The following ZNF804B variants were observed in gnomAD, a reference collection of about 807,000 sequenced individuals.
The protein encoded by ZNF804B is zinc finger protein 804B, also known as zinc finger 804B.
A neutral mutation model predicts 101.4 loss-of-function variants in ZNF804B; 80 were observed. The ratio of observed to expected loss-of-function variants is 0.79; its 90% CI spans 0.66 to 0.95. The LOEUF is 0.95. ZNF804B is among the 40% of genes least tolerant of loss of function. The pLI is 0.00. For missense variants in ZNF804B, 1,673 were observed against 1,561.9 expected, an observed-to-expected ratio of 1.07 and a Z score of -1.20; for synonymous variants, 622 against 558.8, an observed-to-expected ratio of 1.11 and a Z score of -1.59.
chr7:88,781,147 TTAAGCCATTTAATTGAAAGAGTGGAG>T (rs1347571067), intron 1 of ZNF804B, among the ~76,000 whole-genome samples: 1 of 152,214 alleles, frequency 6.6e-6, no homozygotes, highest in African/African-American at 2.4e-5. Flanking sequence ...CGTATGTATA[TTAAGCCATTTAATTGAAAGAGTGGAG>T]TAATTTTCTG....
chr7:88,790,737 AG>A (rs1790367799), intron 1 of ZNF804B, among the ~76,000 whole-genome samples: 2 of 152,066 alleles, frequency 1.3e-5, no homozygotes, highest in African/African-American at 4.8e-5. Flanking sequence ...TATTGTGAAT[AG>A]GGCTGCAATG....
At chr7:89,264,445 T>A (rs953062151) in intron 2 of ZNF804B, among the ~76,000 whole-genome samples, 5 of 152,318 alleles carry the variant, frequency 3.3e-5, no homozygotes, top group African/African-American at 1.2e-4. Context: ...GTCCTTCACA[T>A]TGCCAAAGCC....
rs139934810 is a variant in ZNF804B, at chr7:89,180,798, C to T, written c.109-37357C>T. Among the ~76,000 whole-genome samples the T allele has an allele frequency of 2.1e-3, 315 of 149,674 alleles. 2 individuals carry two copies. Among genetic ancestry groups the T allele is most frequent in the African/African-American group, 7.0e-3 (284 of 40,596 alleles). ...GGCTGGTGTCTCACTAGGTCATGTG[C>T]CCTGTGAACAGAGGACAGCACCAAG... On this transcript the variant is annotated intron_variant, in intron 1 of 3. Transcript: ENST00000333190.
At chr7:89,320,309 GA>G (rs1362006512) in intron 2 of ZNF804B, among the ~76,000 whole-genome samples, 5 of 151,802 alleles carry the variant, frequency 3.3e-5, no homozygotes, top group African/African-American at 4.8e-5. Flanking sequence ...CAACAAAAAT[GA>G]AAAATTTTTA....
chr7:88,927,045 A>T (rs1039494318), intron 1 of ZNF804B, among the ~76,000 whole-genome samples: 13 of 152,068 alleles, frequency 8.5e-5, no homozygotes, highest in Admixed American at 1.3e-4. Flanking sequence ...TAGTGAAAAG[A>T]AGTGCCCTTC....
intron 1 of ZNF804B, among the ~76,000 whole-genome samples, chr7:89,085,313 C>G (rs1789781189): frequency 6.6e-6 from 1 of 151,886 alleles, no homozygotes; most frequent in Non-Finnish European, 1.5e-5. Context: ...TATAGAACTC[C>G]AAATAAGAAA....
At chr7:89,010,130 G>A (rs1405286934) in intron 1 of ZNF804B, among the ~76,000 whole-genome samples, 1 of 151,882 alleles carries the variant, frequency 6.6e-6, no homozygotes, top group African/African-American at 2.4e-5. Context: ...TGGACCTTTG[G>A]AACAATTACT....
At chr7:89,092,987 T>C (rs889489572) in intron 1 of ZNF804B, among the ~76,000 whole-genome samples, 2 of 152,184 alleles carry the variant, frequency 1.3e-5, no homozygotes, top group Admixed American at 1.3e-4. Flanking sequence ...ATATACTAAA[T>C]CATACATATA....
intron 1 of ZNF804B, among the ~76,000 whole-genome samples, chr7:89,041,692 T>C (rs1789019439): frequency 1.3e-5 from 2 of 152,128 alleles, no homozygotes; most frequent in Admixed American, 1.3e-4. Flanking sequence ...CCCTTTCCTT[T>C]CCTCGAGCAG....
At chr7:89,304,769 A>G (rs1790535243) in intron 2 of ZNF804B, among the ~76,000 whole-genome samples, 1 of 151,982 alleles carries the variant, frequency 6.6e-6, no homozygotes, top group South Asian at 2.1e-4. Flanking sequence ...TTTCTAAAGC[A>G]CAGACCTCCC....
intron 2 of ZNF804B, among the ~76,000 whole-genome samples, chr7:89,233,177 C>T (rs759590599): frequency 1.8e-4 from 27 of 152,154 alleles, no homozygotes; most frequent in Non-Finnish European, 2.8e-4. Context: ...CCATCCGCCT[C>T]GGCCTCCCAG....
intron 1 of ZNF804B, among the ~76,000 whole-genome samples, chr7:89,037,682 T>C (rs1459419569): frequency 3.3e-5 from 5 of 152,056 alleles, no homozygotes; most frequent in Admixed American, 3.3e-4. Context: ...AGTTCTACTC[T>C]CTTTGTAAAT....
intron 2 of ZNF804B, among the ~76,000 whole-genome samples, chr7:89,308,583 A>C (rs1790602172): frequency 6.6e-6 from 1 of 152,154 alleles, no homozygotes; most frequent in Non-Finnish European, 1.5e-5. Flanking sequence ...TTTTACCACC[A>C]TCTGCTCTTC....
At chr7:89,073,067 A>G (rs1789566494) in intron 1 of ZNF804B, among the ~76,000 whole-genome samples, 1 of 152,164 alleles carries the variant, frequency 6.6e-6, no homozygotes, top group Non-Finnish European at 1.5e-5. Context: ...AAAATAATAA[A>G]TTTCAGAAAT....
intron 1 of ZNF804B, among the ~76,000 whole-genome samples, chr7:88,823,874 G>A (rs1791018518): frequency 6.6e-6 from 1 of 152,158 alleles, no homozygotes; most frequent in African/African-American, 2.4e-5. Context: ...AAGACCTGAA[G>A]AGGCTACAGA....
intron 2 of ZNF804B, among the ~76,000 whole-genome samples, chr7:89,235,824 C>G (rs1457033929): frequency 6.6e-6 from 1 of 151,734 alleles, no homozygotes; most frequent in Non-Finnish European, 1.5e-5. Flanking sequence ...TATTTGAATG[C>G]TTCCCACAAT....
At chr7:88,782,863 C>T (rs1426146438) in intron 1 of ZNF804B, among the ~76,000 whole-genome samples, 1 of 152,012 alleles carries the variant, frequency 6.6e-6, no homozygotes, top group Non-Finnish European at 1.5e-5. Context: ...TAAGAATCAT[C>T]GCACAAATAA....
chr7:88,773,128 A>G (rs1245669416), intron 1 of ZNF804B, among the ~76,000 whole-genome samples: 1 of 152,204 alleles, frequency 6.6e-6, no homozygotes, highest in African/African-American at 2.4e-5. Flanking sequence ...TGTTGATTAT[A>G]TATTAGTTTC....
chr7:88,850,186 CA>C (rs1791432688), intron 1 of ZNF804B, among the ~76,000 whole-genome samples: 1 of 152,064 alleles, frequency 6.6e-6, no homozygotes, highest in African/African-American at 2.4e-5. Flanking sequence ...GAGGTAAAAA[CA>C]AATAAGGTGA....
Sources: gnomAD v4.1 joint callset for allele counts (sites outside exome capture counted in the v4.1 genomes callset) on GRCh38, gnomAD v4.1.1 for gene constraint, MANE v1.5 for transcripts, NCBI Gene and HGNC (gene_info 2026-07-23, HGNC 2026-07-21) for gene names.